The following KLHL1 variants were observed in gnomAD, a reference collection of about 807,000 sequenced individuals.
KLHL1 encodes the protein kelch like family member 1, also known as kelch-like protein 1.
A neutral mutation model predicts 77.7 loss-of-function variants in KLHL1; 47 were observed. The observed-to-expected ratio is 0.60, with a 90% CI of 0.48 to 0.77. The LOEUF is 0.77. KLHL1 is among the 30% of genes least tolerant of loss of function. The pLI, the probability that KLHL1 is intolerant of heterozygous loss-of-function variation, is 0.00. For missense variants in KLHL1, 925 were observed against 910.8 expected (o/e 1.02, Z -0.20); for synonymous variants, 360 against 325.2 (o/e 1.11, Z -1.15).
intron 7 of KLHL1, among the ~76,000 whole-genome samples, chr13:69,775,386 ATAAC>A (rs1347901139): frequency 6.6e-5 from 10 of 152,166 alleles, no homozygotes; most frequent in African/African-American, 2.2e-4. Flanking sequence ...ATTCACACAA[ATAAC>A]TAGTAACTAT....
intron 1 of KLHL1, among the ~76,000 whole-genome samples, chr13:70,018,908 T>C (rs1885722453): frequency 6.6e-6 from 1 of 152,186 alleles, no homozygotes; most frequent in African/African-American, 2.4e-5. Flanking sequence ...ACAGAAGAGA[T>C]TAATGTCACT....
chr13:70,095,469 C>A (rs1392480900), intron 1 of KLHL1, among the ~76,000 whole-genome samples: 3 of 152,076 alleles, frequency 2.0e-5, no homozygotes, highest in Admixed American at 2.0e-4. Context: ...TCATCTATGT[C>A]CCTGGCAGTG....
chr13:69,784,871 A>G (rs1201002822), intron 7 of KLHL1, among the ~76,000 whole-genome samples: 9 of 148,404 alleles, frequency 6.1e-5, no homozygotes, highest in Non-Finnish European at 6.0e-5. Flanking sequence ...CCCCAAATCA[A>G]CAGAATATAC....
intron 1 of KLHL1, among the ~76,000 whole-genome samples, chr13:69,980,426 G>A (rs991312390): frequency 5.3e-5 from 8 of 152,048 alleles, no homozygotes; most frequent in South Asian, 2.1e-4. Flanking sequence ...CACATTATAA[G>A]TGCCTGTATG....
chr13:69,988,173 G>A (rs370258431), intron 1 of KLHL1, among the ~76,000 whole-genome samples: 1 of 151,794 alleles, frequency 6.6e-6, no homozygotes, highest in Non-Finnish European at 1.5e-5. Flanking sequence ...CCATGTTCTC[G>A]CATTACTTAG....
In KLHL1 at chr13:70,044,958, T is replaced by C. The variant is rs1886460692; in HGVS notation, c.497+62245A>G. 3.3e-5 allele frequency among the ~76,000 whole-genome samples: 5 copies of C among 152,280 alleles called. No individual in the cohort carries two copies. The South Asian group carries it at 1.0e-3, about 32-fold the overall frequency. ...CACAGAATAACCTTGGGAAAGTCAT[T>C]TAACCTTCTATGACCAAGTTATCTT... On this transcript the variant is annotated intron_variant, in intron 1 of 10. Transcript: ENST00000377844.
At chr13:69,998,620 C>T (rs775612493) in intron 1 of KLHL1, among the ~76,000 whole-genome samples, 5 of 152,022 alleles carry the variant, frequency 3.3e-5, no homozygotes, top group Admixed American at 6.6e-5. Flanking sequence ...TCACTTCTAC[C>T]TCAATCAATA....
At chr13:70,072,001 A>T (rs1307148612) in intron 1 of KLHL1, among the ~76,000 whole-genome samples, 1 of 152,050 alleles carries the variant, frequency 6.6e-6, no homozygotes, top group Non-Finnish European at 1.5e-5. Context: ...GAAAACAAAA[A>T]CAGGGAAGAT....
At chr13:69,935,050 T>G (rs1359622768) in intron 4 of KLHL1, among the ~76,000 whole-genome samples, 1 of 149,600 alleles carries the variant, frequency 6.7e-6, no homozygotes, top group Non-Finnish European at 1.5e-5. Context: ...TTATAAAGTA[T>G]ACACATACAC....
intron 9 of KLHL1, among the ~76,000 whole-genome samples, chr13:69,712,537 A>C (rs1034970917): frequency 1.3e-5 from 2 of 151,976 alleles, no homozygotes; most frequent in Non-Finnish European, 2.9e-5. Flanking sequence ...CCATTTGTCT[A>C]TTTATTTATA....
Position 69,882,400 on chromosome 13 carries a change from A to G in KLHL1, c.1110T>C (p.Pro370=). The part of the protein sequence containing the change: ...KLLASDDVNV[P]DEETIFHALM... Reference sequence around the variant, plus strand: ...ATGCATGGAAGATGGTTTCTTCATCAGGAACATTGACATCATCACTGGCCA... The same window carrying G: ...ATGCATGGAAGATGGTTTCTTCATCGGGAACATTGACATCATCACTGGCCA... The change falls in exon 5 of 11, where the codon CCT becomes CCC. Residue 370 remains proline (P), a synonymous_variant. Transcript: ENST00000377844. The G allele has an allele frequency of 6.2e-7, 1 of 1,613,718 alleles. No homozygotes were observed. Among genetic ancestry groups the G allele is most frequent in the Non-Finnish European group, 8.5e-7 (1 of 1,179,638 alleles).
intron 3 of KLHL1, among the ~76,000 whole-genome samples, chr13:69,950,767 C>T (rs1418061078): frequency 6.6e-6 from 1 of 151,406 alleles, no homozygotes; most frequent in East Asian, 1.9e-4. Context: ...ATAATTGTAC[C>T]TTGAACCCAG....
At chr13:70,085,526 T>C (rs1300075144) in intron 1 of KLHL1, among the ~76,000 whole-genome samples, 1 of 152,224 alleles carries the variant, frequency 6.6e-6, no homozygotes, top group East Asian at 1.9e-4. Context: ...TACATTGCTA[T>C]TTTTAATATT....
At chr13:69,759,104 C>T (rs145702222) in intron 7 of KLHL1, among the ~76,000 whole-genome samples, 2 of 151,962 alleles carry the variant, frequency 1.3e-5, no homozygotes, top group Non-Finnish European at 2.9e-5. Flanking sequence ...AGCAGGGAGG[C>T]AAATCTGGGC....
At chr13:69,725,270 C>A (rs1328312800) in intron 8 of KLHL1, among the ~76,000 whole-genome samples, 2 of 152,104 alleles carry the variant, frequency 1.3e-5, no homozygotes, top group Non-Finnish European at 2.9e-5. Context: ...TGGAGTAATG[C>A]TAAAATCCCA....
intron 1 of KLHL1, among the ~76,000 whole-genome samples, chr13:70,060,718 C>A (rs189911708): frequency 6.6e-6 from 1 of 151,800 alleles, no homozygotes; most frequent in South Asian, 2.1e-4. Flanking sequence ...TGGTGGTATG[C>A]GCCTGTAATC....
At chr13:69,748,753 T>A (rs1021379498) in intron 7 of KLHL1, among the ~76,000 whole-genome samples, 1 of 151,356 alleles carries the variant, frequency 6.6e-6, no homozygotes, top group Admixed American at 6.6e-5. Flanking sequence ...TTAATAAATT[T>A]TAGTTGTTAA....
chr13:69,977,498 CG>C (rs1884578882), intron 1 of KLHL1, among the ~76,000 whole-genome samples: 1 of 151,742 alleles, frequency 6.6e-6, no homozygotes, highest in African/African-American at 2.4e-5. Flanking sequence ...AAACAAAAAA[CG>C]GTAAAATTAT....
chr13:69,753,849 A>G (rs1405991975), intron 7 of KLHL1, among the ~76,000 whole-genome samples: 1 of 151,918 alleles, frequency 6.6e-6, no homozygotes. Context: ...TTGAAAAAAA[A>G]AATTTTGAGA....
Sources: allele counts gnomAD v4.1 joint callset (sites outside exome capture counted in the v4.1 genomes callset), GRCh38; gene constraint gnomAD v4.1.1; transcripts MANE v1.5; gene names NCBI Gene and HGNC (gene_info 2026-07-23, HGNC 2026-07-21).